N4BP2L2: variants seen among roughly 807,000 people sequenced by gnomAD.
N4BP2L2 encodes the protein NEDD4 binding protein 2 like 2.
A neutral mutation model predicts 56.2 loss-of-function variants in N4BP2L2; 50 were observed. The ratio of observed to expected loss-of-function variants is 0.89; its 90% CI spans 0.71 to 1.13. The LOEUF (loss-of-function observed/expected upper bound fraction) is 1.13, where lower values mean the gene tolerates loss of function less well. N4BP2L2 is among the 50% of genes most tolerant of loss of function. The probability of loss-of-function intolerance (pLI) is 0.00; values close to 1 mark genes in which losing one functional copy is unlikely to be tolerated. For missense variants in N4BP2L2, 689 were observed against 693.8 expected, an observed-to-expected ratio of 0.99 and a Z score of 0.08; for synonymous variants, 203 against 223.6, an observed-to-expected ratio of 0.91 and a Z score of 0.82.
intron 8 of N4BP2L2, among the ~76,000 whole-genome samples, chr13:32,437,472 T>G (rs2075658887): frequency 6.6e-6 from 1 of 152,228 alleles, no homozygotes; most frequent in Non-Finnish European, 1.5e-5. Flanking sequence ...TGGACACATT[T>G]AAATAATAAC....
At chr13:32,512,386 C>T (rs2048322930) in exon 6 of N4BP2L2, 1 of 152,176 alleles carries the variant, frequency 6.6e-6, no homozygotes. Context: ...CAGACTGTGC[C>T]TGTGTCCATC....
exon 2 of N4BP2L2, chr13:32,536,298 C>A: frequency 6.2e-7 from 1 of 1,613,658 alleles, no homozygotes; most frequent in Non-Finnish European, 8.5e-7. Flanking sequence ...GGATATTTGT[C>A]TGGCTCATTC....
intron 6 of N4BP2L2, among the ~76,000 whole-genome samples, chr13:32,452,876 A>T (rs749800892): frequency 1.3e-5 from 2 of 152,234 alleles, no homozygotes; most frequent in Non-Finnish European, 2.9e-5. Flanking sequence ...TCAACATTGT[A>T]TAGTCCCTCT....
At chr13:32,492,231 C>G (rs2087271407) in intron 6 of N4BP2L2, among the ~76,000 whole-genome samples, 1 of 137,922 alleles carries the variant, frequency 7.3e-6, no homozygotes, top group South Asian at 2.3e-4. Context: ...GGATTTAGCA[C>G]TTTTAAAAGA....
chr13:32,443,858 A>T (rs1270823804), exon 7 of N4BP2L2: 24 of 1,571,632 alleles, frequency 1.5e-5, no homozygotes, highest in Non-Finnish European at 2.1e-5. Flanking sequence ...TTATTTTTCC[A>T]TCTTTTTTCT....
chr13:32,474,027 T>C (rs1027847620), intron 6 of N4BP2L2, among the ~76,000 whole-genome samples: 1 of 152,232 alleles, frequency 6.6e-6, no homozygotes, highest in Non-Finnish European at 1.5e-5. Context: ...TGAATTATTA[T>C]AGAATTTTTG....
At chr13:32,439,925 C>T (rs1352332029) in intron 7 of N4BP2L2, among the ~76,000 whole-genome samples, 1 of 149,858 alleles carries the variant, frequency 6.7e-6, no homozygotes, top group Non-Finnish European at 1.5e-5. Flanking sequence ...ACTTGGGAAG[C>T]TGAGGCAGGA....
intron 4 of N4BP2L2, 121 bp from the exon 5 acceptor site, chr13:32,521,570 G>A (rs558366063): frequency 1.9e-5 from 12 of 633,242 alleles, no homozygotes; most frequent in East Asian, 1.7e-4. Flanking sequence ...GAAAAATGAC[G>A]CTTTATAAAA....
At chr13:32,477,871 A>G (rs2083684040) in intron 6 of N4BP2L2, 1 of 1,289,138 alleles carries the variant, frequency 7.8e-7, no homozygotes, top group South Asian at 1.2e-5. Flanking sequence ...ATTCATGCAG[A>G]ATTCCGTCAA....
At chr13:32,472,081 A>G (rs1593659412) in intron 6 of N4BP2L2, among the ~76,000 whole-genome samples, 1 of 152,212 alleles carries the variant, frequency 6.6e-6, no homozygotes, top group East Asian at 1.9e-4. Context: ...CAATCAGATA[A>G]ATCCAGAAAA....
chr13:32,481,146 A>AAAAAAAAAAAAAAAAAAAAAC (rs2084647668), intron 6 of N4BP2L2, among the ~76,000 whole-genome samples: 1 of 150,808 alleles, frequency 6.6e-6, no homozygotes, highest in African/African-American at 2.5e-5. Context: ...AAAAAAAAAA[A>AAAAAAAAAAAAAAAAAAAAAC]AAGGATTGCA....
intron 6 of N4BP2L2, among the ~76,000 whole-genome samples, chr13:32,468,084 A>AT (rs1160479084): frequency 6.6e-6 from 1 of 152,200 alleles, no homozygotes; most frequent in Non-Finnish European, 1.5e-5. Flanking sequence ...CAAACAGGCA[A>AT]TGAGAGATAT....
At chr13:32,530,093 G>T (rs982002755) in intron 2 of N4BP2L2, among the ~76,000 whole-genome samples, 3 of 151,924 alleles carry the variant, frequency 2.0e-5, no homozygotes, top group Non-Finnish European at 2.9e-5. Context: ...TCTAAAAAAC[G>T]GTTTAAATTT....
chr13:32,521,264 C>A, intron 5 of N4BP2L2, 109 bp downstream of exon 5: 1 of 851,644 alleles, frequency 1.2e-6, no homozygotes. Flanking sequence ...CACATTTTAC[C>A]CTCAGTTTCC....
intron 6 of N4BP2L2, among the ~76,000 whole-genome samples, chr13:32,503,910 T>C (rs1278366698): frequency 6.6e-6 from 1 of 152,038 alleles, no homozygotes; most frequent in Non-Finnish European, 1.5e-5. Context: ...CTGGGAGGAT[T>C]GCTTGAGCCC....
intron 6 of N4BP2L2, among the ~76,000 whole-genome samples, chr13:32,474,362 T>G (rs1309106543): frequency 6.6e-6 from 1 of 151,966 alleles, no homozygotes; most frequent in East Asian, 1.9e-4. Flanking sequence ...ATCCACAAAA[T>G]GTCACGGTCA....
chr13:32,459,482 T>C lies in N4BP2L2; in HGVS notation c.366-15356A>G, dbSNP rs1227120221. Reference sequence around the variant, plus strand: ...CCACCAGAAATACAAAAGATCATCATAGACTGTTATGAAAAACTATATGCT... The same window carrying C: ...CCACCAGAAATACAAAAGATCATCACAGACTGTTATGAAAAACTATATGCT... On this transcript the variant is annotated intron_variant, in intron 6 of 9. Coordinates refer to the N4BP2L2 transcript ENST00000357505. 2.0e-5 allele frequency among the ~76,000 whole-genome samples: 3 copies of C among 150,732 alleles called. No homozygotes were observed. The East Asian group carries it at 5.8e-4, about 29-fold the overall frequency.
chr13:32,515,123 GAGAA>G (rs1310420266), exon 6 of N4BP2L2: 6 of 145,152 alleles, frequency 4.1e-5, no homozygotes, highest in African/African-American at 1.6e-4. Context: ...GGGTGATCCA[GAGAA>G]AGACTCTGTC....
chr13:32,446,278 T>C (rs1351939500), intron 6 of N4BP2L2: 1 of 960,720 alleles, frequency 1.0e-6, no homozygotes, highest in Non-Finnish European at 1.5e-6. Flanking sequence ...CTAGAAACAG[T>C]TGTGATGGGG....
Sources: allele counts gnomAD v4.1 joint callset (sites outside exome capture counted in the v4.1 genomes callset), GRCh38; gene constraint gnomAD v4.1.1; transcripts MANE v1.5; gene names NCBI Gene and HGNC (gene_info 2026-07-23, HGNC 2026-07-21).